Variants in TBC1D4 observed in about 807,000 individuals in gnomAD.
The protein encoded by TBC1D4 is TBC1 domain family member 4, also known as TBC (Tre-2, BUB2, CDC16) domain-containing protein.
Under a neutral mutation model 142.5 loss-of-function variants are expected in TBC1D4, and 121 were observed. The observed-to-expected ratio is 0.85, with a 90% CI of 0.73 to 0.99. The LOEUF (loss-of-function observed/expected upper bound fraction) is 0.99, where lower values mean the gene tolerates loss of function less well. Ranked by LOEUF, TBC1D4 falls within the 50% of genes least tolerant of loss-of-function variation. The pLI is 0.00. For synonymous variants in TBC1D4, 630 were observed against 628.2 expected, an observed-to-expected ratio of 1.00 and a Z score of -0.04; for missense variants, 1,475 against 1,606.6, an observed-to-expected ratio of 0.92 and a Z score of 1.40.
chr13:75,291,242 A>C (rs760014566), intron 19 of TBC1D4, among the ~76,000 whole-genome samples: 20 of 152,156 alleles, frequency 1.3e-4, no homozygotes, highest in Non-Finnish European at 1.5e-5. Context: ...ATGCCAGCAC[A>C]AGATCAGAAG....
chr13:75,325,127 C>T (rs1399133970), intron 10 of TBC1D4, among the ~76,000 whole-genome samples: 6 of 151,024 alleles, frequency 4.0e-5, no homozygotes, highest in African/African-American at 7.3e-5. Context: ...ATAATTTTTC[C>T]TGGAAAAAAA....
chr13:75,343,560 C>T (rs141490424), intron 5 of TBC1D4, among the ~76,000 whole-genome samples: 1,844 of 151,374 alleles, frequency 0.012, 20 homozygotes, highest in Non-Finnish European at 0.019. Context: ...TCTCGTTGCC[C>T]GGGCTGGAGT....
chr13:75,346,301 C>G (rs1255314091), intron 5 of TBC1D4, among the ~76,000 whole-genome samples: 1 of 152,124 alleles, frequency 6.6e-6, no homozygotes, highest in Non-Finnish European at 1.5e-5. Context: ...CCCCTAGACC[C>G]CCACCCCTTG....
Position 75,362,703 on chromosome 13 carries a change from T to C in TBC1D4, c.499-96A>G. On this transcript the variant is annotated intron_variant, in intron 1 of 20. Transcript: ENST00000377636. This position sits in a 1 kb window ranked among gnomAD's most constrained non-coding sequence, Gnocchi z 4.2. ...TATTACCACATGGAATGTATTTTCA[T>C]CCTAAATAATATACAAAGTAATAGA... is the stretch of plus-strand genomic sequence containing the variant. The C allele has an allele frequency of 7.6e-7, 1 of 1,319,700 alleles. No homozygotes were observed. Among genetic ancestry groups the C allele is most frequent in the Non-Finnish European group, 1.1e-6 (1 of 932,630 alleles). The allele number at this position is 1,319,700 out of a possible 1,614,324, so 81.7% of individuals were successfully genotyped here.
At position 75,416,281 on chromosome 13, in the gene TBC1D4, T is replaced by C. The variant is rs1885912507; in HGVS notation, c.499-53674A>G. Among the ~76,000 whole-genome samples the C allele has an allele frequency of 3.3e-5, 5 of 152,356 alleles. No homozygotes were observed. In the South Asian group the frequency reaches 8.3e-4, roughly 25 times the overall value. ...GTATGGGAACTCTGCAGTATCTTTA[T>C]AGCCTCTCTGTAAGTCTAAAATTAC... On this transcript the variant is annotated intron_variant, in intron 1 of 20. Coordinates refer to ENST00000377636, the MANE Select transcript of TBC1D4 (RefSeq NM_014832.5).
intron 4 of TBC1D4, among the ~76,000 whole-genome samples, chr13:75,351,496 G>A (rs141986530): frequency 1.4e-3 from 215 of 151,620 alleles, no homozygotes; most frequent in African/African-American, 4.8e-3. Context: ...GTATACATGC[G>A]CCATGTTGGT....
At chr13:75,348,954 A>AGAGAGTGTGT (rs969343152) in intron 5 of TBC1D4, among the ~76,000 whole-genome samples, 30 of 139,082 alleles carry the variant, frequency 2.2e-4, no homozygotes, top group African/African-American at 8.0e-4. Context: ...AGAGAGAGAG[A>AGAGAGTGTGT]GTGTGTGTGT....
intron 1 of TBC1D4, among the ~76,000 whole-genome samples, chr13:75,393,682 A>G (rs1884612621): frequency 6.6e-6 from 1 of 152,190 alleles, no homozygotes; most frequent in Non-Finnish European, 1.5e-5. Context: ...CTGTAATCCC[A>G]GCACTTTGGG....
intron 1 of TBC1D4, among the ~76,000 whole-genome samples, chr13:75,396,613 A>G (rs1175074358): frequency 1.3e-5 from 2 of 152,182 alleles, no homozygotes; most frequent in African/African-American, 4.8e-5. Context: ...TTAATTATCA[A>G]TTTTTAAAAC....
At chr13:75,471,405 C>T (rs1207625516) in intron 1 of TBC1D4, among the ~76,000 whole-genome samples, 1 of 152,172 alleles carries the variant, frequency 6.6e-6, no homozygotes, top group African/African-American at 2.4e-5. Context: ...AAATAGAATA[C>T]ACCACCACCT....
chr13:75,452,486 A>C (rs1887571523), intron 1 of TBC1D4, among the ~76,000 whole-genome samples: 1 of 152,230 alleles, frequency 6.6e-6, no homozygotes, highest in Non-Finnish European at 1.5e-5. Flanking sequence ...AAATGTGGGA[A>C]TATAACTTGA....
rs1184001612 is a variant in TBC1D4 at position 75,368,351 on chromosome 13, A to G, written c.499-5744T>C. 2.6e-5 allele frequency among the ~76,000 whole-genome samples: 4 copies of G among 152,236 alleles called. No homozygotes were observed. In the East Asian group the frequency reaches 7.7e-4, roughly 29 times the overall value. Reference sequence around the variant, plus strand: ...TACACTATTGGGGCCAAAGAAAGCAAGAGTATCTCTGTGACTTAAACCAGA... The same window carrying G: ...TACACTATTGGGGCCAAAGAAAGCAGGAGTATCTCTGTGACTTAAACCAGA... On this transcript the variant is annotated intron_variant, in intron 1 of 20. Transcript: ENST00000377636.
intron 1 of TBC1D4, among the ~76,000 whole-genome samples, chr13:75,435,707 TG>T (rs1446304491): frequency 6.6e-6 from 1 of 152,170 alleles, no homozygotes; most frequent in Non-Finnish European, 1.5e-5. Context: ...TAAAAGAATC[TG>T]GGAGTTTCTT....
At chr13:75,349,014 T>C (rs749748865) in intron 5 of TBC1D4, among the ~76,000 whole-genome samples, 156 bp downstream of exon 5, 2 of 143,104 alleles carry the variant, frequency 1.4e-5, no homozygotes, top group African/African-American at 2.6e-5. Context: ...CTAGCAGAGA[T>C]TGACAGCCCA....
intron 1 of TBC1D4, among the ~76,000 whole-genome samples, chr13:75,401,186 T>C (rs1232091185): frequency 5.9e-5 from 9 of 152,284 alleles, no homozygotes; most frequent in African/African-American, 2.2e-4. Context: ...ATACTCCCCT[T>C]CTCCCTGACC....
intron 17 of TBC1D4, among the ~76,000 whole-genome samples, chr13:75,296,199 G>A (rs1340257404): frequency 1.3e-5 from 2 of 151,716 alleles, no homozygotes; most frequent in Admixed American, 6.6e-5. Context: ...CTTAGCTGGA[G>A]TCAAAGTTTT....
intron 17 of TBC1D4, 63 bp from the exon 18 acceptor site, chr13:75,295,076 C>A: frequency 6.9e-7 from 1 of 1,441,892 alleles, no homozygotes; most frequent in Non-Finnish European, 9.7e-7. Context: ...ATCAAACACA[C>A]TGATTTTAAT....
intron 1 of TBC1D4, among the ~76,000 whole-genome samples, chr13:75,382,099 TG>T (rs10715705): frequency 0.73 from 110,647 of 151,918 alleles, 40,525 homozygotes; most frequent in South Asian, 0.86. Flanking sequence ...TCTTTCCACT[TG>T]GCGATTAGCT....
At chr13:75,349,912 G>C (rs150146909) in intron 4 of TBC1D4, among the ~76,000 whole-genome samples, 11 of 152,234 alleles carry the variant, frequency 7.2e-5, no homozygotes, top group Middle Eastern at 3.4e-3. Context: ...GTCTTACATA[G>C]AGGCATCTAA....
Sources: allele counts gnomAD v4.1 joint callset (sites outside exome capture counted in the v4.1 genomes callset), GRCh38; gene constraint gnomAD v4.1.1; non-coding constraint Gnocchi (gnomAD v3.1); transcripts MANE v1.5; gene names NCBI Gene and HGNC (gene_info 2026-07-23, HGNC 2026-07-21).